The following SHF variants were observed in gnomAD, a reference collection of about 807,000 sequenced individuals.
The protein encoded by SHF is Src homology 2 domain containing F, also known as SH2 domain-containing adapter protein F.
A neutral mutation model predicts 42.4 loss-of-function variants in SHF; 30 were observed. The ratio of observed to expected loss-of-function variants is 0.71; its 90% CI spans 0.53 to 0.96. The LOEUF (loss-of-function observed/expected upper bound fraction) is 0.96. SHF is among the 40% of genes least tolerant of loss of function. The probability of loss-of-function intolerance (pLI) is 0.00; values close to 1 mark genes in which losing one functional copy is unlikely to be tolerated. For synonymous variants in SHF, 264 were observed against 269.9 expected (o/e 0.98, Z 0.21); for missense variants, 598 against 634.0 (o/e 0.94, Z 0.61).
In SHF at chr15:45,173,622, G is replaced by A. The variant is rs373878011; in HGVS notation, c.942C>T (p.Ser314=). 2.0e-5 allele frequency: 31 copies of A among 1,550,030 alleles called. 1 individual carries two copies. The highest frequency in any genetic ancestry group is 2.7e-5 in the African/African-American group (2 of 73,024). Residue 314 remains serine, a synonymous_variant, in exon 4 of 7, where the codon TCC becomes TCT. Transcript: ENST00000690270. The part of the protein sequence containing the change: ...PSLPDGDRDI[S]GPASPLPEPS... Reference sequence around the variant, plus strand: ...GCTCAGGGAGGGGCGAGGCTGGACCGGAGATGTCCCTGTCCCCATCAGGCA... The same window carrying A: ...GCTCAGGGAGGGGCGAGGCTGGACCAGAGATGTCCCTGTCCCCATCAGGCA...
At chr15:45,197,795 C>G (rs1898911600) in intron 2 of SHF, among the ~76,000 whole-genome samples, 1 of 144,186 alleles carries the variant, frequency 6.9e-6, no homozygotes, top group South Asian at 2.2e-4. Flanking sequence ...ATACCTATTA[C>G]TTCATGTTCT....
Position 45,187,866 on chromosome 15 carries a change from C to A in SHF, c.86G>T (p.Arg29Leu). ...GSAGGGPGGS[R>L]RGAGGAGAGP... Reference sequence around the variant, plus strand: ...GGCTCCCGCACCCCCGGCGCCCCGGCGGGACCCCCCCGGGCCGCCCCCAGC... The same window carrying A: ...GGCTCCCGCACCCCCGGCGCCCCGGAGGGACCCCCCCGGGCCGCCCCCAGC... The change falls in exon 1 of 7, where the codon CGC becomes CTC. Residue 29 changes from arginine (R) to leucine (L), a missense_variant. By Grantham distance (102) the Arg-to-Leu change is moderately radical. Around this residue, in one of 2 missense-constraint regions of SHF, gnomAD observed 159 missense variants for 109.3 expected, o/e 1.45. Coordinates refer to ENST00000690270, the MANE Select transcript of SHF (RefSeq NM_001394037.1). The A allele has an allele frequency of 8.8e-7, 1 of 1,136,036 alleles. No individual in the cohort carries two copies. The highest frequency in any genetic ancestry group is 1.1e-6 in the Non-Finnish European group (1 of 913,466). The allele number at this position is 1,136,036 out of a possible 1,614,324, so 70.4% of individuals were successfully genotyped here. A position where few individuals can be genotyped will look rare whatever the true frequency, so the allele number is the denominator to read the frequency against.
chr15:45,196,225 C>T (rs1249821817), intron 2 of SHF, among the ~76,000 whole-genome samples: 1 of 151,652 alleles, frequency 6.6e-6, no homozygotes, highest in East Asian at 2.0e-4. Flanking sequence ...AATCTCCCTA[C>T]AGGGACTACA....
At chr15:45,177,241 G>A (rs1396019661) in intron 2 of SHF, among the ~76,000 whole-genome samples, 1 of 152,202 alleles carries the variant, frequency 6.6e-6, no homozygotes, top group Non-Finnish European at 1.5e-5. Context: ...GGCAGGCTCT[G>A]AGCTTGGATG....
In SHF at chr15:45,172,017, G is replaced by A. The variant is rs776655199; in HGVS notation, c.1161-15C>T. ...CGTGATACCAGCTAAGGATGAGAGA[G>A]AGGAAGGGGGGCATCTCTGCTGGGT... On this transcript the variant is annotated splice_polypyrimidine_tract_variant and intron_variant, in intron 5 of 6. Transcript: ENST00000690270. 7 of 1,613,914 alleles carry A rather than the reference G, an allele frequency of 4.3e-6. No homozygotes were observed. Among genetic ancestry groups the A allele is most frequent in the Non-Finnish European group, 5.9e-6 (7 of 1,179,842 alleles).
chr15:45,193,045 GGAAT>G (rs1595646007), intron 2 of SHF, among the ~76,000 whole-genome samples: 1 of 152,300 alleles, frequency 6.6e-6, no homozygotes. Context: ...AGAAAGCTGT[GGAAT>G]GATATTCTGA....
chr15:45,167,895 G>T lies in SHF; in HGVS notation c.*52C>A. The T allele has an allele frequency of 7.0e-7, 1 of 1,427,482 alleles. No homozygotes were observed. Among genetic ancestry groups the T allele is most frequent in the Non-Finnish European group, 9.3e-7 (1 of 1,077,338 alleles). The allele number at this position is 1,427,482 out of a possible 1,614,324, so 88.4% of individuals were successfully genotyped here. The stretch of plus-strand genomic sequence containing the variant: ...GGCAAGAGCCACAGCCCTCAGCCAG[G>T]TGATGGGCACAGGGCTGGGTACAGG... On this transcript the variant is annotated 3_prime_UTR_variant, in exon 7 of 7. Transcript: ENST00000690270.
rs62026667 is a variant in SHF, at chr15:45,198,938, C to T, written c.137G>A (p.Trp46Ter). The T allele has an allele frequency of 5.6e-6, 9 of 1,613,706 alleles. No homozygotes were observed. The highest frequency in any genetic ancestry group is 1.6e-4 in the Middle Eastern group (1 of 6,084). ...GTTTAGGGGAGACGGCGTGAGCATC[C>T]AGGAATGGGGCTGGGCGGAACTCAG... is the stretch of plus-strand genomic sequence containing the variant. Residue 46 changes from tryptophan (W) to a stop codon, truncating the protein, a stop_gained, in exon 2 of 8, where the codon TGG becomes TAG. Transcript: ENST00000290894. LOFTEE classifies it high-confidence loss of function.
chr15:45,187,543 G>T lies in SHF; in HGVS notation c.409C>A (p.Pro137Thr), dbSNP rs1361037953. ...GTCTCGACCCGAATAAGGCGGTGTG[G>T]GGGAGAGCCGTGGCGCGGGGGCGGC... ...PTPPPRHGSP[P>T]HRLIRVETPG... The change falls in exon 1 of 7, where the codon CCA becomes ACA. Residue 137 changes from proline to threonine, a missense_variant. Pro to Thr is a conservative substitution (Grantham distance 38). Around this residue, in one of 2 missense-constraint regions of SHF, gnomAD observed 439 missense variants for 524.6 expected, o/e 0.84. Coordinates refer to ENST00000690270, the MANE Select transcript of SHF (RefSeq NM_001394037.1). 1 of 1,229,152 alleles carries T rather than the reference G, an allele frequency of 8.1e-7. No homozygotes were observed. Among genetic ancestry groups the T allele is most frequent in the Non-Finnish European group, 1.0e-6 (1 of 985,376 alleles). 76.1% of individuals were successfully genotyped at this position (1,229,152 alleles called of 1,614,324 possible). A position where few individuals can be genotyped will look rare whatever the true frequency, so the allele number is the denominator to read the frequency against.
At position 45,172,253 on chromosome 15, in the gene SHF, G is replaced by A; in HGVS notation, c.1054C>T (p.Pro352Ser). The A allele has an allele frequency of 6.2e-7, 1 of 1,613,568 alleles. No homozygotes were observed. The highest frequency in any genetic ancestry group is 8.5e-7 in the Non-Finnish European group (1 of 1,179,656). ...TTGGGGTTCCCTGCAGAGAGTCGGG[G>A]AGGTAGCCGCCCCTTCTCCTCCCGG... ...PGREEKGRLP[P>S]RLSAGNPKSA... is the part of the protein sequence containing the mutation. Residue 352 changes from proline (P) to serine (S), a missense_variant, in exon 5 of 7, where the codon CCC becomes TCC. Physicochemically the swap from Pro to Ser is moderately conservative, Grantham distance 74 (BLOSUM62 -1). Coordinates refer to ENST00000690270, the MANE Select transcript of SHF (RefSeq NM_001394037.1).
At chr15:45,170,827 T>C (rs1183257045) in intron 6 of SHF, 1 of 179,318 alleles carries the variant, frequency 5.6e-6, no homozygotes, top group East Asian at 1.7e-4. Context: ...AATTTTTGTA[T>C]TTTTAGTAGA....
At chr15:45,191,341 C>T (rs1369187233), upstream of SHF, among the ~76,000 whole-genome samples, 1 of 152,180 alleles carries the variant, frequency 6.6e-6, no homozygotes, top group Non-Finnish European at 1.5e-5. Flanking sequence ...CATTACCATA[C>T]CTGGCTAATT....
At chr15:45,190,963 T>G (rs749565508), upstream of SHF, among the ~76,000 whole-genome samples, 6 of 152,176 alleles carry the variant, frequency 3.9e-5, no homozygotes, top group Non-Finnish European at 7.4e-5. Flanking sequence ...GAGCACCTCA[T>G]GGAGTCAGGC....
chr15:45,178,304 T>C lies in SHF; in HGVS notation c.501A>G (p.Leu167=). The part of the protein sequence containing the change: ...ISGPPASSDR[L]AILEDYADPF... Reference sequence around the variant, plus strand: ...GGTCCGCATAGTCTTCTAGGATAGCTAGCTGTGGGAGGAGAGTGAAGAGAG... The same window carrying C: ...GGTCCGCATAGTCTTCTAGGATAGCCAGCTGTGGGAGGAGAGTGAAGAGAG... The change falls in exon 2 of 7, where the codon CTA becomes CTG. Residue 167 remains leucine, a splice_region_variant and synonymous_variant. Transcript: ENST00000690270. The C allele has an allele frequency of 1.9e-6, 3 of 1,612,518 alleles. No individual in the cohort carries two copies. The highest frequency in any genetic ancestry group is 2.5e-6 in the Non-Finnish European group (3 of 1,179,288).
chr15:45,199,023 G>A, exon 2 of SHF: 1 of 1,608,468 alleles, frequency 6.2e-7, no homozygotes, highest in South Asian at 1.1e-5. Context: ...GAACCCTCCA[G>A]GGTTCCGGTC....
upstream of SHF, among the ~76,000 whole-genome samples, chr15:45,191,209 C>G (rs2141439717): frequency 6.6e-6 from 1 of 152,280 alleles, no homozygotes; most frequent in Middle Eastern, 3.4e-3. Context: ...CCGCCTCACC[C>G]AACTAATTTT....
At chr15:45,168,155 T>G (rs1333626879) in intron 6 of SHF, 22 bp from the exon 7 acceptor site, 2 of 1,553,054 alleles carry the variant, frequency 1.3e-6, no homozygotes, top group Non-Finnish European at 1.7e-6. Flanking sequence ...AGAGGAGACT[T>G]TGGTGAGTGG....
intron 6 of SHF, 55 bp downstream of exon 6, chr15:45,171,828 G>A (rs1246653221): frequency 6.3e-6 from 10 of 1,575,472 alleles, no homozygotes; most frequent in Non-Finnish European, 6.9e-6. Flanking sequence ...GGGGAATACT[G>A]GAGTCCCCTT....
At chr15:45,175,180 A>G (rs1175009975) in intron 3 of SHF, 39 bp downstream of exon 3, 1 of 1,565,470 alleles carries the variant, frequency 6.4e-7, no homozygotes, top group East Asian at 2.3e-5. Context: ...AAAGCTGCTC[A>G]GAGGCCCCAG....
Sources: allele counts gnomAD v4.1 joint callset (sites outside exome capture counted in the v4.1 genomes callset), GRCh38; gene constraint gnomAD v4.1.1; regional missense constraint gnomAD v4.1.1; transcripts MANE v1.5; gene names NCBI Gene and HGNC (gene_info 2026-07-23, HGNC 2026-07-21).